SPATA16: variants seen among roughly 807,000 people sequenced by gnomAD.
SPATA16 encodes the protein spermatogenesis-associated protein 16.
SPATA16 carries 36 observed loss-of-function variants against 63.3 expected under a neutral mutation model. The ratio of observed to expected loss-of-function variants is 0.57; its 90% CI spans 0.44 to 0.75. The LOEUF is 0.75. Among genes scored for constraint, SPATA16 ranks in the 30% least tolerant of loss-of-function variants. The pLI, the probability that SPATA16 is intolerant of heterozygous loss-of-function variation, is 0.00. For synonymous variants in SPATA16, 203 were observed against 216.7 expected, an observed-to-expected ratio of 0.94 and a Z score of 0.56; for missense variants, 646 against 679.3, an observed-to-expected ratio of 0.95 and a Z score of 0.54.
At chr3:173,099,119 T>C (rs1023298059) in intron 2 of SPATA16, among the ~76,000 whole-genome samples, 3 of 152,058 alleles carry the variant, frequency 2.0e-5, no homozygotes, top group Non-Finnish European at 4.4e-5. Flanking sequence ...CATCAGAAGG[T>C]CAATAGTAGC....
At chr3:173,089,677 G>A (rs919244735) in intron 2 of SPATA16, among the ~76,000 whole-genome samples, 4 of 152,186 alleles carry the variant, frequency 2.6e-5, no homozygotes, top group Non-Finnish European at 5.9e-5. Flanking sequence ...ACCTTGTAAG[G>A]TGTTTCTTAT....
At chr3:173,028,338 G>C (rs958106217) in intron 3 of SPATA16, among the ~76,000 whole-genome samples, 2 of 151,652 alleles carry the variant, frequency 1.3e-5, no homozygotes, top group African/African-American at 4.8e-5. Context: ...CTGGATAATA[G>C]CATCATTTCG....
At chr3:173,013,584 C>T (rs1735118341) in intron 4 of SPATA16, among the ~76,000 whole-genome samples, 1 of 152,188 alleles carries the variant, frequency 6.6e-6, no homozygotes, top group African/African-American at 2.4e-5. Flanking sequence ...AGAGGCGGGA[C>T]AAAGACAGTT....
At chr3:173,118,251 T>G (rs1487863465) in intron 1 of SPATA16, among the ~76,000 whole-genome samples, 1 of 152,198 alleles carries the variant, frequency 6.6e-6, no homozygotes, top group African/African-American at 2.4e-5. Context: ...TTTCCTAAAT[T>G]TGTTTCTTTT....
intron 2 of SPATA16, among the ~76,000 whole-genome samples, chr3:173,057,842 CTT>C (rs1235026639): frequency 6.6e-6 from 1 of 152,122 alleles, no homozygotes; most frequent in Non-Finnish European, 1.5e-5. Context: ...ATTTTTATGT[CTT>C]ATTTTTACTT....
chr3:173,019,427 T>A, intron 4 of SPATA16, 59 bp downstream of exon 4: 1 of 1,422,074 alleles, frequency 7.0e-7, no homozygotes, highest in Non-Finnish European at 9.9e-7. Flanking sequence ...TTACCAGAAT[T>A]TGAGAATAAA....
At chr3:173,138,306 C>T (rs904180903) in intron 1 of SPATA16, among the ~76,000 whole-genome samples, 6 of 152,128 alleles carry the variant, frequency 3.9e-5, no homozygotes, top group African/African-American at 1.4e-4. Context: ...CAGAGAAATA[C>T]AGACCAGGTT....
At chr3:173,099,995 C>G (rs1247198913) in intron 2 of SPATA16, among the ~76,000 whole-genome samples, 1 of 152,178 alleles carries the variant, frequency 6.6e-6, no homozygotes, top group African/African-American at 2.4e-5. Flanking sequence ...AGTTGGTGTT[C>G]TCTGAATGCT....
At position 172,907,597 on chromosome 3, in the gene SPATA16, CAG is replaced by C. The variant is rs1732271795; in HGVS notation, c.1587+6062_1587+6063del. 1.3e-5 allele frequency among the ~76,000 whole-genome samples: 2 copies of C among 150,678 alleles called. 1 individual carries two copies. Among genetic ancestry groups the C allele is most frequent in the South Asian group, 4.2e-4 (2 of 4,770 alleles). The stretch of plus-strand genomic sequence containing the variant: ...TGTTTTTTTTGTTTTTTTTTTGAGA[CAG>C]AGTTTCACTGTTGTTACCCAAGCAG... On this transcript the variant is annotated intron_variant, in intron 10 of 10. Coordinates refer to ENST00000351008, the MANE Select transcript of SPATA16 (RefSeq NM_031955.6).
chr3:172,935,004 G>A lies in SPATA16; in HGVS notation c.1082-9512C>T, dbSNP rs115420188. Among the ~76,000 whole-genome samples the A allele has an allele frequency of 3.9e-3, 588 of 152,090 alleles. 2 individuals carry two copies. The highest frequency in any genetic ancestry group is 0.014 in the Middle Eastern group (4 of 294). ...ACTTTAGGACAAAGTAATAAGACCT[G>A]AAATAAAAATGAGAGATATAAACAT... On this transcript the variant is annotated intron_variant, in intron 6 of 10. Coordinates refer to ENST00000351008, the MANE Select transcript of SPATA16 (RefSeq NM_031955.6).
At chr3:173,046,554 A>G (rs1019236547) in intron 3 of SPATA16, among the ~76,000 whole-genome samples, 7 of 152,046 alleles carry the variant, frequency 4.6e-5, no homozygotes, top group Non-Finnish European at 7.4e-5. Flanking sequence ...ACATTTACAT[A>G]AAATTACAGA....
chr3:173,049,880 A>T (rs9868177), intron 2 of SPATA16, among the ~76,000 whole-genome samples: 3,081 of 152,148 alleles, frequency 0.02, 101 homozygotes, highest in African/African-American at 0.066. Flanking sequence ...CCCTCAGAGT[A>T]TTCTACTGTT....
intron 1 of SPATA16, among the ~76,000 whole-genome samples, chr3:173,123,156 A>G (rs1223715153): frequency 6.6e-6 from 1 of 152,252 alleles, no homozygotes; most frequent in Non-Finnish European, 1.5e-5. Context: ...AATGCAAAAT[A>G]AACCATCCAG....
chr3:172,938,399 T>G (rs977053989), intron 6 of SPATA16, among the ~76,000 whole-genome samples: 1 of 152,118 alleles, frequency 6.6e-6, no homozygotes, highest in Non-Finnish European at 1.5e-5. Flanking sequence ...GGTGGAAAGC[T>G]TTAGATGGTT....
rs537332237 is a variant in SPATA16, at chr3:173,096,791, A to G, written c.612+20329T>C. Among the ~76,000 whole-genome samples the G allele has an allele frequency of 5.3e-5, 8 of 151,488 alleles. No homozygotes were observed. In the East Asian group the frequency reaches 9.8e-4, roughly 19 times the overall value. ...GTACAAGGTGACTTATCACAACACT[A>G]TTTCTAGGAGCAAAACACCAGAAAC... On this transcript the variant is annotated intron_variant, in intron 2 of 10. Coordinates refer to ENST00000351008, the MANE Select transcript of SPATA16 (RefSeq NM_031955.6).
chr3:172,952,200 C>T (rs1388421069), intron 6 of SPATA16, among the ~76,000 whole-genome samples: 4 of 152,088 alleles, frequency 2.6e-5, no homozygotes, highest in Non-Finnish European at 5.9e-5. Context: ...GAGTAGGCTG[C>T]ATGTGGATGA....
chr3:172,946,472 G>C (rs1286096990), intron 6 of SPATA16, among the ~76,000 whole-genome samples: 1 of 152,166 alleles, frequency 6.6e-6, no homozygotes, highest in Non-Finnish European at 1.5e-5. Context: ...GCCCTGAAAG[G>C]AGAGACCCAG....
At chr3:173,059,821 C>T (rs566875227) in intron 2 of SPATA16, among the ~76,000 whole-genome samples, 1 of 143,064 alleles carries the variant, frequency 7.0e-6, no homozygotes, top group Non-Finnish European at 1.5e-5. Flanking sequence ...TGTCTCTATC[C>T]CATTTGGTAG....
At chr3:173,129,339 A>C (rs1444600169) in intron 1 of SPATA16, among the ~76,000 whole-genome samples, 1 of 152,166 alleles carries the variant, frequency 6.6e-6, no homozygotes, top group African/African-American at 2.4e-5. Flanking sequence ...TTGCTGAAGA[A>C]ACTTTCAGCC....
Sources: gnomAD v4.1 joint callset for allele counts (sites outside exome capture counted in the v4.1 genomes callset) on GRCh38, gnomAD v4.1.1 for gene constraint, MANE v1.5 for transcripts, NCBI Gene and HGNC (gene_info 2026-07-23, HGNC 2026-07-21) for gene names.